Variants in COL11A2 observed in about 807,000 individuals in gnomAD.
The protein encoded by COL11A2 is collagen alpha-2(XI) chain.
In COL11A2, 116 loss-of-function variants were observed where a neutral mutation model predicts 273.4. The observed-to-expected ratio is 0.42, with a 90% CI of 0.36 to 0.49. COL11A2 has a LOEUF of 0.49. Ranked by LOEUF, COL11A2 falls within the 20% of genes least tolerant of loss-of-function variation. The probability of loss-of-function intolerance (pLI) is 0.00; values close to 1 mark genes in which losing one functional copy is unlikely to be tolerated. For missense variants in COL11A2, 1,866 were observed against 2,309.0 expected, an observed-to-expected ratio of 0.81 and a Z score of 3.93; for synonymous variants, 782 against 864.2, an observed-to-expected ratio of 0.90 and a Z score of 1.67.
In COL11A2 at chr6:33,177,405, C is replaced by G. The variant is rs370117705; in HGVS notation, c.1971+7G>C. 2 of 1,612,700 alleles carry G rather than the reference C, an allele frequency of 1.2e-6. No individual in the cohort carries two copies. Among genetic ancestry groups the G allele is most frequent in the African/African-American group, 2.7e-5 (2 of 74,920 alleles). On this transcript the variant is annotated splice_region_variant and intron_variant, in intron 23 of 65. Transcript: ENST00000341947. The surrounding 1 kb of genome is among the most constrained non-coding windows in gnomAD (Gnocchi z 5.9). Reference sequence around the variant, plus strand: ...AAATTGGGGAACGGAGTAGGGGCACCGCTCACCTGGGTCCCAGGGGTGCCC... The same window carrying G: ...AAATTGGGGAACGGAGTAGGGGCACGGCTCACCTGGGTCCCAGGGGTGCCC...
Position 33,172,588 on chromosome 6 carries a change from G to A in COL11A2, c.2840C>T (p.Pro947Leu). Residue 947 changes from proline (P) to leucine (L), a missense_variant, in exon 39 of 66, where the codon CCC becomes CTC. By Grantham distance (98) the Pro-to-Leu change is moderately conservative. Coordinates refer to ENST00000341947, the MANE Select transcript of COL11A2 (RefSeq NM_080680.3). ...TCCCTGCTCTCCAGGGGGCCCCGGG[G>A]GGCCTGGGTGACCTCTCTCCCCCAT... is the stretch of plus-strand genomic sequence containing the variant. ...GPMGERGHPG[P>L]PGPPGEQGLP... 1.2e-6 allele frequency: 2 copies of A among 1,612,624 alleles called. No homozygotes were observed. The highest frequency in any genetic ancestry group is 8.5e-7 in the Non-Finnish European group (1 of 1,179,906).
chr6:33,168,829 C>T lies in COL11A2; in HGVS notation c.3853-70G>A, dbSNP rs1477113558. 2.3e-5 allele frequency: 37 copies of T among 1,604,642 alleles called. No individual in the cohort carries two copies. The Middle Eastern group carries it at 5.0e-4, about 22-fold the overall frequency. On this transcript the variant is annotated intron_variant, in intron 52 of 65. Transcript: ENST00000341947. ...GGCATCACCTCCAAAACTGTCAATA[C>T]CCCATCCCCTTGCCCACCCTGCCAT... is the stretch of plus-strand genomic sequence containing the variant.
Position 33,181,129 on chromosome 6 carries a change from C to T in COL11A2, c.1161G>A (p.Glu387=). 6.2e-7 allele frequency: 1 copy of T among 1,614,174 alleles called. No homozygotes were observed. Among genetic ancestry groups the T allele is most frequent in the Non-Finnish European group, 8.5e-7 (1 of 1,180,024 alleles). The change falls in exon 9 of 66, where the codon GAG becomes GAA. Residue 387 remains glutamate, a synonymous_variant. Coordinates refer to ENST00000341947, the MANE Select transcript of COL11A2 (RefSeq NM_080680.3). ...AACTTACAGGTTCCAACACTGCAGG[C>T]TCTCCTTTCTCTCCCTTCAGCCCTC... ...GPRGLKGEKG[E]PAVLEPGMLV...
In COL11A2 at chr6:33,170,597, G is replaced by A. The variant is rs1377193028; in HGVS notation, c.3488C>T (p.Pro1163Leu). 6.2e-7 allele frequency: 1 copy of A among 1,612,448 alleles called. No individual in the cohort carries two copies. Among genetic ancestry groups the A allele is most frequent in the South Asian group, 1.1e-5 (1 of 91,068 alleles). ...TCCTGTTTCTCCCTTCTCCCCAGAGGGGCCTGGCAAACCCTGTGCAAGTAT... is the reference window on the plus strand; with the variant it reads ...TCCTGTTTCTCCCTTCTCCCCAGAGAGGCCTGGCAAACCCTGTGCAAGTAT... ...GPIGLQGLPGPSGEKGETGDV... is the reference protein window; with the variant it reads ...GPIGLQGLPGLSGEKGETGDV... The change falls in exon 47 of 66, where the codon CCC becomes CTC. Residue 1163 changes from proline to leucine, a missense_variant. Transcript: ENST00000341947. This position sits in a 1 kb window ranked among gnomAD's most constrained non-coding sequence, Gnocchi z 4.3.
rs779998311 is a variant in COL11A2, at chr6:33,171,804, C to T, written c.3059G>A (p.Arg1020Gln). ...PPGPAGSPGE[R>Q]GAAGSGGPIG... ...GGGTCCCCCTGATCCTGCTGCACCT[C>T]GTTCCCCAGGGGAGCCCTGAGAAAG... The change falls in exon 42 of 66, where the codon CGA becomes CAA. Residue 1020 changes from arginine to glutamine, a missense_variant. Transcript: ENST00000341947. The T allele has an allele frequency of 1.9e-5, 31 of 1,612,800 alleles. No individual in the cohort carries two copies. Among genetic ancestry groups the T allele is most frequent in the South Asian group, 1.3e-4 (12 of 91,066 alleles).
chr6:33,173,861 GAGACC>G lies in COL11A2; in HGVS notation c.2583+7_2583+11del, dbSNP rs769679091. ...GGCAGGGGGCAGTTGGAGCCTTGTA[GAGACC>G]ATTCACCTTAGCTCCAGACTTCCCA... is the stretch of plus-strand genomic sequence containing the variant. On this transcript the variant is annotated splice_region_variant and intron_variant, in intron 34 of 65. Transcript: ENST00000341947. The surrounding 1 kb of genome is among the most constrained non-coding windows in gnomAD (Gnocchi z 6.3). 16 of 1,613,948 alleles carry G rather than the reference GAGACC, an allele frequency of 9.9e-6. No individual in the cohort carries two copies. The South Asian group carries it at 1.8e-4, about 18-fold the overall frequency.
At chr6:33,192,885 C>G (rs1256706204), upstream of COL11A2, among the ~76,000 whole-genome samples, 1 of 152,000 alleles carries the variant, frequency 6.6e-6, no homozygotes, top group Non-Finnish European at 1.5e-5. Context: ...AATTACTTCC[C>G]TCACCCCGCC....
In COL11A2 at chr6:33,177,118, T is replaced by A; in HGVS notation, c.2016+63A>T. On this transcript the variant is annotated intron_variant, in intron 24 of 65. Transcript: ENST00000341947. This position sits in a 1 kb window ranked among gnomAD's most constrained non-coding sequence, Gnocchi z 5.9. ...GACACAGACAAAATCCCAGCAGACA[T>A]TTAGGGTTCTCCCTACATCCCCACT... The A allele has an allele frequency of 6.2e-7, 1 of 1,612,342 alleles. No homozygotes were observed. The highest frequency in any genetic ancestry group is 8.5e-7 in the Non-Finnish European group (1 of 1,179,554).
Position 33,163,966 on chromosome 6 carries a change from T to G in COL11A2, c.5071-148A>C, listed in dbSNP as rs987404604. 3 of 1,213,932 alleles carry G rather than the reference T, an allele frequency of 2.5e-6. No individual in the cohort carries two copies. The Admixed American group carries it at 5.8e-5, about 23-fold the overall frequency. The allele number at this position is 1,213,932 out of a possible 1,614,324, so 75.2% of individuals were successfully genotyped here. A position where few individuals can be genotyped will look rare whatever the true frequency, so the allele number is the denominator to read the frequency against. The stretch of plus-strand genomic sequence containing the variant: ...CAGACTGGCAGTGTCTATGTGCCCA[T>G]GCGTGTGTGTTTGCTTCTCCCCCAC... On this transcript the variant is annotated intron_variant, in intron 65 of 65. Coordinates refer to ENST00000341947, the MANE Select transcript of COL11A2 (RefSeq NM_080680.3). The surrounding 1 kb of genome is among the most constrained non-coding windows in gnomAD (Gnocchi z 4.1).
At position 33,191,070 on chromosome 6, in the gene COL11A2, C is replaced by G. The variant is rs368131760; in HGVS notation, c.82+1089G>C. ...AACTCATTTCCCTAAAGTCCCATCT[C>G]TACCCACTCAGCCCCTGAAATAAGA... is the stretch of plus-strand genomic sequence containing the variant. On this transcript the variant is annotated intron_variant, in intron 1 of 65. Transcript: ENST00000341947. 2.0e-5 allele frequency among the ~76,000 whole-genome samples: 3 copies of G among 152,296 alleles called. No individual in the cohort carries two copies. The East Asian group carries it at 5.8e-4, about 29-fold the overall frequency.
Position 33,170,873 on chromosome 6 carries a change from A to C in COL11A2, c.3411T>G (p.Phe1137Leu), listed in dbSNP as rs1457361538. Residue 1137 changes from phenylalanine to leucine, a missense_variant, in exon 46 of 66, where the codon TTT (phenylalanine) becomes TTG (leucine). Physicochemically the swap from Phe to Leu is conservative, Grantham distance 22. Coordinates refer to ENST00000341947, the MANE Select transcript of COL11A2 (RefSeq NM_080680.3). The surrounding 1 kb of genome is among the most constrained non-coding windows in gnomAD (Gnocchi z 4.3). ...TTGTTCCTTCATCACCTTTGGCTCC[A>C]AAGTGTCCCTGGGGTCCCCGAGCTC... is the stretch of plus-strand genomic sequence containing the variant. ...EPGARGPQGH[F>L]GAKGDEGTRG... is the part of the protein sequence containing the mutation. 1.9e-6 allele frequency: 3 copies of C among 1,612,946 alleles called. No individual in the cohort carries two copies. Among genetic ancestry groups the C allele is most frequent in the Non-Finnish European group, 2.5e-6 (3 of 1,179,966 alleles).
chr6:33,163,969 G>A lies in COL11A2; in HGVS notation c.5071-151C>T, dbSNP rs961429830. The stretch of plus-strand genomic sequence containing the variant: ...ACTGGCAGTGTCTATGTGCCCATGC[G>A]TGTGTGTTTGCTTCTCCCCCACCGT... On this transcript the variant is annotated intron_variant, in intron 65 of 65. Coordinates refer to ENST00000341947, the MANE Select transcript of COL11A2 (RefSeq NM_080680.3). The surrounding 1 kb of genome is among the most constrained non-coding windows in gnomAD (Gnocchi z 4.1). 1.1e-4 allele frequency: 133 copies of A among 1,196,114 alleles called. No individual in the cohort carries two copies. The highest frequency in any genetic ancestry group is 2.6e-4 in the Middle Eastern group (1 of 3,850). The allele number at this position is 1,196,114 out of a possible 1,614,324, so 74.1% of individuals were successfully genotyped here. A position where few individuals can be genotyped will look rare whatever the true frequency, so the allele number is the denominator to read the frequency against.
intron 4 of COL11A2, 21 bp from the exon 5 acceptor site, chr6:33,186,839 T>G (rs780681077): frequency 6.2e-7 from 1 of 1,613,556 alleles, no homozygotes; most frequent in Non-Finnish European, 8.5e-7. Context: ...ATGAGAGAGA[T>G]GGAGCGGAGA....
chr6:33,163,936 A>C lies in COL11A2; in HGVS notation c.5071-118T>G. 6.8e-7 allele frequency: 1 copy of C among 1,462,462 alleles called. No individual in the cohort carries two copies. Among genetic ancestry groups the C allele is most frequent in the Non-Finnish European group, 9.5e-7 (1 of 1,050,198 alleles). 90.6% of individuals were successfully genotyped at this position (1,462,462 alleles called of 1,614,324 possible). ...CTTGGCCCCATCAGGGTGACTCAGG[A>C]TGTACAGACTGGCAGTGTCTATGTG... On this transcript the variant is annotated intron_variant, in intron 65 of 65. Coordinates refer to ENST00000341947, the MANE Select transcript of COL11A2 (RefSeq NM_080680.3). This position sits in a 1 kb window ranked among gnomAD's most constrained non-coding sequence, Gnocchi z 4.1.
Position 33,164,596 on chromosome 6 carries a change from G to T in COL11A2, c.4864-123C>A. On this transcript the variant is annotated intron_variant, in intron 64 of 65. Transcript: ENST00000341947. This position sits in a 1 kb window ranked among gnomAD's most constrained non-coding sequence, Gnocchi z 4.7. The stretch of plus-strand genomic sequence containing the variant: ...CAGCTGAGCCAGAGTCATGAGCAGG[G>T]AATGGCTGGAAGGCAAGGGCTGGGA... 1 of 888,056 alleles carries T rather than the reference G, an allele frequency of 1.1e-6. No homozygotes were observed. The highest frequency in any genetic ancestry group is 1.7e-6 in the Non-Finnish European group (1 of 593,960). 55.0% of individuals were successfully genotyped at this position (888,056 alleles called of 1,614,324 possible).
chr6:33,166,458 G>C lies in COL11A2; in HGVS notation c.4392+55C>G. 3 of 1,579,070 alleles carry C rather than the reference G, an allele frequency of 1.9e-6. No homozygotes were observed. Among genetic ancestry groups the C allele is most frequent in the Non-Finnish European group, 2.6e-6 (3 of 1,155,060 alleles). ...CCATGGAAGTCGTTGGGAGGCTGTG[G>C]GTGGGCAGCAGAGGGGTTTAGGGGA... On this transcript the variant is annotated intron_variant, in intron 60 of 65. Transcript: ENST00000341947. The surrounding 1 kb of genome is among the most constrained non-coding windows in gnomAD (Gnocchi z 4.8).
At chr6:33,168,001 C>T in intron 54 of COL11A2, 149 bp from the exon 55 acceptor site, 2 of 821,708 alleles carry the variant, frequency 2.4e-6, no homozygotes, top group Non-Finnish European at 4.1e-6. Context: ...CACAGATGTG[C>T]AGAACAGATA....
intron 52 of COL11A2, 46 bp from the exon 53 acceptor site, chr6:33,168,805 G>A: frequency 1.9e-6 from 3 of 1,599,232 alleles, no homozygotes; most frequent in Non-Finnish European, 2.6e-6. Flanking sequence ...AACCTGGCTG[G>A]CATCACCTCC....
In COL11A2 at chr6:33,175,500, G is replaced by A. The variant is rs745553994; in HGVS notation, c.2376+74C>T. On this transcript the variant is annotated intron_variant, in intron 30 of 65. Transcript: ENST00000341947. ...CAACTGACTGGCTGACTTCAGCGGCGGGCACCCATGCCCATCCTGACCCCA... is the reference window on the plus strand; with the variant it reads ...CAACTGACTGGCTGACTTCAGCGGCAGGCACCCATGCCCATCCTGACCCCA... The A allele has an allele frequency of 1.1e-5, 14 of 1,248,316 alleles. No homozygotes were observed. The African/African-American group carries it at 1.5e-4, about 13-fold the overall frequency. The allele number at this position is 1,248,316 out of a possible 1,614,324, so 77.3% of individuals were successfully genotyped here.
Sources: gnomAD v4.1 joint callset for allele counts (sites outside exome capture counted in the v4.1 genomes callset) on GRCh38, gnomAD v4.1.1 for gene constraint, Gnocchi (gnomAD v3.1) non-coding constraint, MANE v1.5 for transcripts, NCBI Gene and HGNC (gene_info 2026-07-23, HGNC 2026-07-21) for gene names.